PHACTR1: variants seen among roughly 807,000 people sequenced by gnomAD.
PHACTR1 encodes phosphatase and actin regulator 1, also known as RPEL repeat containing 1.
PHACTR1 carries 16 observed loss-of-function variants against 69.2 expected under a neutral mutation model. The observed-to-expected ratio is 0.23, with a 90% CI of 0.16 to 0.35. The LOEUF (loss-of-function observed/expected upper bound fraction) is 0.35. Ranked by LOEUF, PHACTR1 falls within the 10% of genes least tolerant of loss-of-function variation. The probability of loss-of-function intolerance (pLI) is 1.00; values close to 1 mark genes in which losing one functional copy is unlikely to be tolerated. For synonymous variants in PHACTR1, 312 were observed against 284.5 expected (o/e 1.10, Z -0.97); for missense variants, 510 against 734.7 (o/e 0.69, Z 3.54).
chr6:13,228,975 C>A (rs1443702531), intron 9 of PHACTR1, among the ~76,000 whole-genome samples: 3 of 152,248 alleles, frequency 2.0e-5, no homozygotes, highest in Non-Finnish European at 4.4e-5. Context: ...TCGCTCTCTA[C>A]TTACCAGGCT....
chr6:13,095,217 A>G lies in PHACTR1; in HGVS notation c.415+41688A>G, dbSNP rs182460092. Among the ~76,000 whole-genome samples the G allele has an allele frequency of 7.9e-5, 12 of 152,362 alleles. No homozygotes were observed. In the East Asian group the frequency reaches 2.1e-3, roughly 27 times the overall value. On this transcript the variant is annotated intron_variant, in intron 5 of 14. Transcript: ENST00000332995. ...TGTGGTGTTTTCTTACAGCAGCTTG[A>G]GCAGACTGATAACGCTATTTCCAAT...
At chr6:13,268,769 T>C (rs1286104290) in intron 10 of PHACTR1, among the ~76,000 whole-genome samples, 4 of 152,184 alleles carry the variant, frequency 2.6e-5, no homozygotes, top group African/African-American at 9.6e-5. Context: ...ATTTTCAAGG[T>C]CAAAACAACT....
At chr6:12,991,521 C>T (rs1370040792) in intron 4 of PHACTR1, among the ~76,000 whole-genome samples, 1 of 152,204 alleles carries the variant, frequency 6.6e-6, no homozygotes. Flanking sequence ...TCTCTGATGT[C>T]ATTAAAAATA....
intron 5 of PHACTR1, among the ~76,000 whole-genome samples, chr6:13,130,942 CA>C (rs1466834445): frequency 1.3e-5 from 2 of 151,972 alleles, no homozygotes; most frequent in Admixed American, 1.3e-4. Flanking sequence ...AATTGCATAT[CA>C]AAAAGATAAT....
intron 10 of PHACTR1, among the ~76,000 whole-genome samples, chr6:13,244,732 C>CT (rs1421343604): frequency 6.6e-6 from 1 of 150,758 alleles, no homozygotes; most frequent in East Asian, 1.9e-4. Context: ...TTATCCTGTT[C>CT]TTTTTTCAAG....
intron 3 of PHACTR1, among the ~76,000 whole-genome samples, chr6:12,744,710 A>G (rs1765546553): frequency 6.6e-6 from 1 of 152,222 alleles, no homozygotes; most frequent in Non-Finnish European, 1.5e-5. Flanking sequence ...TAGCTATTCC[A>G]TAGGCAGAGC....
chr6:13,082,152 T>C (rs940036237), intron 5 of PHACTR1, among the ~76,000 whole-genome samples: 5 of 152,172 alleles, frequency 3.3e-5, no homozygotes, highest in Non-Finnish European at 7.4e-5. Flanking sequence ...TTCTGCCTCC[T>C]ACTTCCACTC....
At chr6:13,070,803 G>A (rs1422397960) in intron 5 of PHACTR1, among the ~76,000 whole-genome samples, 1 of 143,098 alleles carries the variant, frequency 7.0e-6, no homozygotes, top group Non-Finnish European at 1.5e-5. Context: ...ATATGAATTT[G>A]CCTGCTTAAA....
chr6:13,013,205 TTC>T (rs1341999319), intron 4 of PHACTR1, among the ~76,000 whole-genome samples: 1 of 152,256 alleles, frequency 6.6e-6, no homozygotes, highest in Non-Finnish European at 1.5e-5. Context: ...CGCAAATTGT[TTC>T]TGAGTTTTGA....
In PHACTR1 at chr6:13,088,965, A is replaced by G. The variant is rs563119825; in HGVS notation, c.415+35436A>G. 8.8e-4 allele frequency among the ~76,000 whole-genome samples: 134 copies of G among 152,290 alleles called. 2 individuals carry two copies. Among genetic ancestry groups the G allele is most frequent in the Admixed American group, 8.3e-3 (127 of 15,298 alleles). On this transcript the variant is annotated intron_variant, in intron 5 of 14. Transcript: ENST00000332995. ...TATATTTAGAAATGGATTATACAAA[A>G]CTTCAAACATCCAGAAAACAGAGCA...
intron 7 of PHACTR1, among the ~76,000 whole-genome samples, chr6:13,190,353 G>T (rs1042206575): frequency 6.6e-6 from 1 of 151,740 alleles, no homozygotes; most frequent in Non-Finnish European, 1.5e-5. Context: ...CTTCTTATAA[G>T]GACATTAATC....
intron 5 of PHACTR1, among the ~76,000 whole-genome samples, chr6:13,116,870 G>T (rs1025344326): frequency 2.0e-5 from 3 of 152,184 alleles, no homozygotes; most frequent in Admixed American, 6.5e-5. Context: ...TGAGGAAATT[G>T]AGGCATATAG....
intron 4 of PHACTR1, among the ~76,000 whole-genome samples, chr6:12,912,472 T>C (rs571249124): frequency 2.0e-4 from 30 of 152,310 alleles, no homozygotes; most frequent in African/African-American, 7.0e-4. Flanking sequence ...TTCTGGCTGG[T>C]AATTTTAGTG....
chr6:13,091,076 T>A (rs562628991), intron 5 of PHACTR1, among the ~76,000 whole-genome samples: 20 of 151,972 alleles, frequency 1.3e-4, no homozygotes, highest in Non-Finnish European at 2.8e-4. Flanking sequence ...CAATGGCGCA[T>A]CTCGGCTCAC....
intron 4 of PHACTR1, among the ~76,000 whole-genome samples, chr6:12,956,714 C>T (rs1582687615): frequency 6.6e-6 from 1 of 152,038 alleles, no homozygotes; most frequent in South Asian, 2.1e-4. Flanking sequence ...TGGCATTTCA[C>T]GGAAATGTGG....
intron 10 of PHACTR1, among the ~76,000 whole-genome samples, chr6:13,258,707 GTTAC>G (rs1323581529): frequency 6.6e-6 from 1 of 152,200 alleles, no homozygotes; most frequent in East Asian, 1.9e-4. Context: ...CTGACAGAGG[GTTAC>G]TTAAAAAATG....
At chr6:12,936,939 A>T (rs1013590504) in intron 4 of PHACTR1, among the ~76,000 whole-genome samples, 12 of 152,170 alleles carry the variant, frequency 7.9e-5, no homozygotes, top group Admixed American at 7.9e-4. Context: ...CTATTTTTTT[A>T]AAGTGTCTGA....
At chr6:12,920,950 G>A (rs186915911) in intron 4 of PHACTR1, among the ~76,000 whole-genome samples, 1 of 152,354 alleles carries the variant, frequency 6.6e-6, no homozygotes, top group Non-Finnish European at 1.5e-5. Flanking sequence ...TTTTGAGTTG[G>A]ATACTGGGTT....
chr6:13,067,218 A>G (rs1397380168), intron 5 of PHACTR1, among the ~76,000 whole-genome samples: 1 of 152,224 alleles, frequency 6.6e-6, no homozygotes, highest in East Asian at 1.9e-4. Flanking sequence ...CTTGCATCAG[A>G]CCCATATAGT....
Sources: allele counts gnomAD v4.1 joint callset (sites outside exome capture counted in the v4.1 genomes callset), GRCh38; gene constraint gnomAD v4.1.1; transcripts MANE v1.5; gene names NCBI Gene and HGNC (gene_info 2026-07-23, HGNC 2026-07-21).